NMU: variants seen among roughly 807,000 people sequenced by gnomAD.
NMU encodes neuromedin U.
A neutral mutation model predicts 35.4 loss-of-function variants in NMU; 29 were observed. The ratio of observed to expected loss-of-function variants is 0.82; its 90% CI spans 0.61 to 1.12. The LOEUF is 1.12. Among genes scored for constraint, NMU ranks in the 50% most tolerant of loss-of-function variants. The probability of loss-of-function intolerance (pLI) is 0.00; values close to 1 mark genes in which losing one functional copy is unlikely to be tolerated. For missense variants in NMU, 199 were observed against 206.2 expected (o/e 0.97, Z 0.21); for synonymous variants, 78 against 81.3 (o/e 0.96, Z 0.22).
chr4:55,596,085 T>A (rs1733169694), intron 9 of NMU, among the ~76,000 whole-genome samples: 1 of 152,186 alleles, frequency 6.6e-6, no homozygotes, highest in Non-Finnish European at 1.5e-5. Context: ...GATTTATGAA[T>A]AAGCTATTTC....
At chr4:55,598,089 G>GTTTTTT (rs10588154) in intron 9 of NMU, among the ~76,000 whole-genome samples, 35 of 85,396 alleles carry the variant, frequency 4.1e-4, no homozygotes, top group Non-Finnish European at 6.2e-4. Context: ...TTTGGTTGTG[G>GTTTTTT]TTTTTTTTTT....
chr4:55,597,593 C>T lies in NMU; in HGVS notation c.*4+1549G>A, dbSNP rs568145756. Reference sequence around the variant, plus strand: ...ATGTTGGTCAGGCTGGTCAGGCTCCCGACCTCAGGTGATCCGCCCACCTTG... The same window carrying T: ...ATGTTGGTCAGGCTGGTCAGGCTCCTGACCTCAGGTGATCCGCCCACCTTG... On this transcript the variant is annotated intron_variant, in intron 9 of 9. Transcript: ENST00000264218. Among the ~76,000 whole-genome samples the T allele has an allele frequency of 1.5e-3, 222 of 152,228 alleles. 2 individuals carry two copies. The highest frequency in any genetic ancestry group is 1.0e-2 in the South Asian group (48 of 4,822).
chr4:55,603,911 CAAAAAAA>C lies in NMU; in HGVS notation c.435+1357_435+1363del, dbSNP rs746222578. On this transcript the variant is annotated intron_variant, in intron 7 of 9. Transcript: ENST00000264218. ...TGGGCGACAGAGCAAGAGTCCGTCT[CAAAAAAA>C]AAAAAAAAATATATATATATATATA... Among the ~76,000 whole-genome samples, 5 of 50,376 alleles carry C rather than the reference CAAAAAAA, an allele frequency of 9.9e-5. 1 individual carries two copies. Among genetic ancestry groups the C allele is most frequent in the Admixed American group, 2.5e-4 (1 of 4,062 alleles). 33.0% of individuals were successfully genotyped at this position (50,376 alleles called of 152,430 possible). A position where few individuals can be genotyped will look rare whatever the true frequency, so the allele number is the denominator to read the frequency against.
chr4:55,630,278 C>T, intron 2 of NMU, 124 bp downstream of exon 2: 2 of 789,284 alleles, frequency 2.5e-6, no homozygotes, highest in South Asian at 1.6e-5. Context: ...AATAGTAATT[C>T]TGGGTTTTAT....
Position 55,607,457 on chromosome 4 carries a change from C to A in NMU, c.289G>T (p.Glu97Ter), listed in dbSNP as rs1456496692. 1.0e-6 allele frequency: 1 copy of A among 982,572 alleles called. No homozygotes were observed. Among genetic ancestry groups the A allele is most frequent in the East Asian group, 2.6e-5 (1 of 38,062 alleles). The allele number at this position is 982,572 out of a possible 1,614,324, so 60.9% of individuals were successfully genotyped here. A position where few individuals can be genotyped will look rare whatever the true frequency, so the allele number is the denominator to read the frequency against. ...CTTACCCTTTTAGTATTATCTTTTT[C>A]ATCTTGTTCCTATTGAAAAGAGATA... ...GMLPKPQEQD[E>*]KDNTKRFLFH... The change falls in exon 5 of 10, where the codon GAA becomes TAA. Residue 97 changes from glutamate (E) to a stop codon, truncating the protein, a stop_gained. Transcript: ENST00000264218. LOFTEE classifies it high-confidence loss of function.
chr4:55,604,226 C>A (rs2110187380), intron 7 of NMU, among the ~76,000 whole-genome samples: 1 of 150,276 alleles, frequency 6.7e-6, no homozygotes, highest in Non-Finnish European at 1.5e-5. Flanking sequence ...CCGCCACGCC[C>A]AGCTAATTTT....
At chr4:55,600,598 TA>T (rs1468957414) in intron 7 of NMU, 23 bp from the exon 8 acceptor site, 1 of 1,559,980 alleles carries the variant, frequency 6.4e-7, no homozygotes, top group East Asian at 2.2e-5. Flanking sequence ...ATGAGGGCAT[TA>T]CAAATCACAT....
At chr4:55,617,596 C>T (rs971713312) in intron 2 of NMU, among the ~76,000 whole-genome samples, 3 of 151,920 alleles carry the variant, frequency 2.0e-5, no homozygotes, top group African/African-American at 7.3e-5. Context: ...AACAAAAATC[C>T]TTTAATTAAG....
chr4:55,627,381 G>C (rs1734575784), intron 2 of NMU, among the ~76,000 whole-genome samples: 1 of 136,146 alleles, frequency 7.3e-6, no homozygotes, highest in Non-Finnish European at 1.6e-5. Flanking sequence ...ATCAATTTTA[G>C]GTTAAATTTT....
intron 1 of NMU, among the ~76,000 whole-genome samples, chr4:55,632,860 G>T (rs1386528932): frequency 2.0e-5 from 3 of 151,730 alleles, no homozygotes; most frequent in East Asian, 3.9e-4. Context: ...AGCTTGCATG[G>T]GCCACTTAGA....
chr4:55,609,398 G>A (rs570018580), intron 3 of NMU, among the ~76,000 whole-genome samples: 6 of 151,594 alleles, frequency 4.0e-5, no homozygotes, highest in African/African-American at 1.5e-4. Context: ...AAAAAAAAAG[G>A]TAAGTACGGT....
chr4:55,615,615 C>G (rs374080697), intron 3 of NMU, among the ~76,000 whole-genome samples: 1 of 152,160 alleles, frequency 6.6e-6, no homozygotes, highest in Non-Finnish European at 1.5e-5. Context: ...GCAATAGATA[C>G]AGTATTTTAA....
chr4:55,627,615 A>G (rs1734585086), intron 2 of NMU, among the ~76,000 whole-genome samples: 1 of 152,196 alleles, frequency 6.6e-6, no homozygotes, highest in Non-Finnish European at 1.5e-5. Flanking sequence ...ATTTCTAAAT[A>G]CTTACAGATT....
At chr4:55,629,615 CAAAAAAAAAAA>C (rs10581873) in intron 2 of NMU, among the ~76,000 whole-genome samples, 1 of 88,802 alleles carries the variant, frequency 1.1e-5, no homozygotes, top group Non-Finnish European at 2.3e-5. Flanking sequence ...GACCATGTCT[CAAAAAAAAAAA>C]AAAAAAAAAA....
At chr4:55,635,949 C>A in intron 1 of NMU, 132 bp downstream of exon 1, 1 of 1,472,470 alleles carries the variant, frequency 6.8e-7, no homozygotes, top group South Asian at 1.2e-5. Context: ...GGAAACCCCG[C>A]GGCACCAGAG....
chr4:55,619,861 A>AC (rs1425602878), intron 2 of NMU, among the ~76,000 whole-genome samples: 1 of 131,882 alleles, frequency 7.6e-6, no homozygotes, highest in East Asian at 2.3e-4. Context: ...CTGACCCCTG[A>AC]CCCCCGAGCA....
intron 7 of NMU, among the ~76,000 whole-genome samples, chr4:55,600,814 A>G (rs1358320247): frequency 6.6e-6 from 1 of 152,120 alleles, no homozygotes; most frequent in Non-Finnish European, 1.5e-5. Context: ...TTTGCCTTTC[A>G]GGAATTTTGT....
Position 55,609,143 on chromosome 4 carries a change from T to G in NMU, c.256A>C (p.Met86Leu). ...ACCTGAGGCTTTGGTAGCATTCCCA[T>G]AATCATAAAGCAAAGCTCCTCCAGT... Reference protein sequence around the residue: ...NALEELCFMIMGMLPKPQEQD... With the variant: ...NALEELCFMILGMLPKPQEQD... Residue 86 changes from methionine (M) to leucine (L), a missense_variant, in exon 4 of 10, where the codon ATG becomes CTG. Coordinates refer to ENST00000264218, the MANE Select transcript of NMU (RefSeq NM_006681.4). The G allele has an allele frequency of 6.2e-7, 1 of 1,613,508 alleles. No individual in the cohort carries two copies. Among genetic ancestry groups the G allele is most frequent in the Non-Finnish European group, 8.5e-7 (1 of 1,179,452 alleles).
At chr4:55,633,765 G>A (rs1260450373) in intron 1 of NMU, among the ~76,000 whole-genome samples, 3 of 152,170 alleles carry the variant, frequency 2.0e-5, no homozygotes, top group Non-Finnish European at 4.4e-5. Context: ...GTGAGAAATC[G>A]TTACTGCCAA....
Sources: allele counts gnomAD v4.1 joint callset (sites outside exome capture counted in the v4.1 genomes callset), GRCh38; gene constraint gnomAD v4.1.1; transcripts MANE v1.5; gene names NCBI Gene and HGNC (gene_info 2026-07-23, HGNC 2026-07-21).